Variants in XPO5 observed in about 807,000 individuals in gnomAD.
The protein encoded by XPO5 is exportin-5.
XPO5 carries 46 observed loss-of-function variants against 160.6 expected under a neutral mutation model. The observed-to-expected ratio is 0.29, with a 90% confidence interval of 0.23 to 0.37. The LOEUF (loss-of-function observed/expected upper bound fraction) is 0.37, where lower values mean the gene tolerates loss of function less well. Ranked by LOEUF, XPO5 falls within the 10% of genes least tolerant of loss-of-function variation. XPO5 has a pLI of 1.00. For synonymous variants in XPO5, 537 were observed against 519.3 expected (o/e 1.03, Z -0.46); for missense variants, 1,090 against 1,463.9 (o/e 0.74, Z 4.17).
intron 13 of XPO5, 145 bp downstream of exon 13, chr6:43,555,691 C>T (rs1039008908): frequency 2.8e-5 from 27 of 949,592 alleles, no homozygotes; most frequent in Middle Eastern, 2.9e-4. Context: ...CCAATGAAAA[C>T]GCTCCCTCTC....
rs1763288647 is a variant in XPO5, at chr6:43,575,787, G to A, written c.78C>T (p.Thr26=). 6.2e-7 allele frequency: 1 copy of A among 1,613,700 alleles called. No homozygotes were observed. The highest frequency in any genetic ancestry group is 8.5e-7 in the Non-Finnish European group (1 of 1,179,696). ...AVTVMMDPNS[T]QRYRLEALKF... ...TGAGGGCTTCCAGCCGGTAGCGCTG[G>A]GTGGAGTTGGGGTCCATCATGACCG... Residue 26 remains threonine (T), a synonymous_variant, in exon 1 of 32, where the codon ACC becomes ACT. Transcript: ENST00000265351.
At chr6:43,565,970 C>T (rs147776904) in intron 7 of XPO5, among the ~76,000 whole-genome samples, 2 of 152,226 alleles carry the variant, frequency 1.3e-5, no homozygotes, top group East Asian at 1.9e-4. Flanking sequence ...TAAATGTGTT[C>T]GGCAGGCCGA....
chr6:43,563,982 G>A (rs1427876727), intron 8 of XPO5, among the ~76,000 whole-genome samples: 2 of 152,126 alleles, frequency 1.3e-5, no homozygotes, highest in Non-Finnish European at 2.9e-5. Flanking sequence ...GAGTGCAGGG[G>A]CACAATCCTG....
chr6:43,536,397 A>T (rs372316785), intron 20 of XPO5, among the ~76,000 whole-genome samples: 1 of 150,758 alleles, frequency 6.6e-6, no homozygotes, highest in African/African-American at 2.4e-5. Flanking sequence ...CCTGCGCAAC[A>T]CAGTGAGACT....
intron 11 of XPO5, among the ~76,000 whole-genome samples, chr6:43,559,820 TTA>T (rs1762311313): frequency 6.6e-6 from 1 of 152,196 alleles, no homozygotes; most frequent in Non-Finnish European, 1.5e-5. Flanking sequence ...TCAGTCTTTT[TTA>T]TGTTTCCCCC....
intron 25 of XPO5, among the ~76,000 whole-genome samples, 200 bp downstream of exon 25, chr6:43,527,959 A>G (rs995802319): frequency 6.6e-6 from 1 of 152,236 alleles, no homozygotes; most frequent in Non-Finnish European, 1.5e-5. Context: ...AGGTAACAGT[A>G]GCCCCTATGA....
At chr6:43,573,261 A>AT (rs1763104683) in intron 2 of XPO5, 1 of 522,074 alleles carries the variant, frequency 1.9e-6, no homozygotes, top group African/African-American at 1.9e-5. Context: ...TGAATGGGTA[A>AT]TATGTACCAC....
At chr6:43,526,316 A>G (rs1793585968) in intron 27 of XPO5, 1 of 365,542 alleles carries the variant, frequency 2.7e-6, no homozygotes, top group African/African-American at 2.0e-5. Context: ...CATAAATAAA[A>G]ACATAATGTT....
At chr6:43,529,272 G>A in intron 23 of XPO5, 2 of 1,348,868 alleles carry the variant, frequency 1.5e-6, no homozygotes, top group Non-Finnish European at 2.0e-6. Context: ...GCTGGCTGCG[G>A]TGGCTCACAC....
intron 6 of XPO5, among the ~76,000 whole-genome samples, chr6:43,568,201 G>A (rs1260198600): frequency 2.0e-5 from 3 of 151,888 alleles, no homozygotes; most frequent in Admixed American, 6.6e-5. Context: ...CCAGCTACTC[G>A]GGAGGCCAGG....
chr6:43,558,449 C>T, intron 12 of XPO5, 52 bp downstream of exon 12: 1 of 1,474,712 alleles, frequency 6.8e-7, no homozygotes, highest in African/African-American at 1.4e-5. Flanking sequence ...ATTCATAATA[C>T]TAGATGCCAT....
At position 43,560,962 on chromosome 6, in the gene XPO5, G is replaced by C; in HGVS notation, c.1057C>G (p.Leu353Val). 6.2e-7 allele frequency: 1 copy of C among 1,613,888 alleles called. No individual in the cohort carries two copies. The highest frequency in any genetic ancestry group is 1.1e-5 in the South Asian group (1 of 91,080). Residue 353 changes from leucine to valine, a missense_variant, in exon 10 of 32, where the codon CTG becomes GTG. Transcript: ENST00000265351. Reference sequence around the variant, plus strand: ...GTTGTGAAAGCAAGAAAAGATTCCAGGTATTTTCCAAAGTTTGATGGTGTT... The same window carrying C: ...GTTGTGAAAGCAAGAAAAGATTCCACGTATTTTCCAAAGTTTGATGGTGTT... Reference protein sequence around the residue: ...VETPSNFGKYLESFLAFTTHP... With the variant: ...VETPSNFGKYVESFLAFTTHP...
At chr6:43,538,662 T>C (rs1415772185) in intron 20 of XPO5, among the ~76,000 whole-genome samples, 1 of 152,220 alleles carries the variant, frequency 6.6e-6, no homozygotes, top group Non-Finnish European at 1.5e-5. Flanking sequence ...CGTCTCTATG[T>C]TTACAAGTGA....
At position 43,555,852 on chromosome 6, in the gene XPO5, A is replaced by G. The variant is rs6916623; in HGVS notation, c.1425T>C (p.Asp475=). The change falls in exon 13 of 32, where the codon GAT becomes GAC. Residue 475 remains aspartate, a synonymous_variant. Transcript: ENST00000265351. ...AAAACTTACAATTCACAGAACCAGC[A>G]TCAAGAAAAGTTGATAGTTGATACT... ...WLKYQLSTFL[D]AGSVNSCSAV... is the part of the protein sequence containing the mutation. The G allele has an allele frequency of 6.7e-3, 10,757 of 1,613,938 alleles. 633 individuals are homozygous for G. In the African/African-American group the frequency reaches 0.13, roughly 19 times the overall value.
intron 22 of XPO5, among the ~76,000 whole-genome samples, chr6:43,531,263 G>T (rs375509983): frequency 2.6e-5 from 4 of 152,200 alleles, no homozygotes; most frequent in African/African-American, 9.6e-5. Context: ...AGTTGGGCAT[G>T]AAGCAGGCTG....
chr6:43,554,655 C>T (rs1468536793), intron 13 of XPO5, among the ~76,000 whole-genome samples: 1 of 152,096 alleles, frequency 6.6e-6, no homozygotes, highest in East Asian at 1.9e-4. Context: ...AACTCCTGAC[C>T]TCAGGTGATC....
At chr6:43,558,673 T>G in intron 11 of XPO5, 82 bp from the exon 12 acceptor site, 1 of 1,017,924 alleles carries the variant, frequency 9.8e-7, no homozygotes, top group Non-Finnish European at 1.4e-6. Flanking sequence ...TTCAAGCACT[T>G]TTAATTTATT....
chr6:43,568,662 C>T, intron 6 of XPO5, 49 bp downstream of exon 6: 1 of 1,496,170 alleles, frequency 6.7e-7, no homozygotes, highest in Non-Finnish European at 9.0e-7. Context: ...CGTATCCCCT[C>T]ACCTGAAAGG....
chr6:43,548,923 T>C (rs897116103), intron 17 of XPO5, among the ~76,000 whole-genome samples: 1 of 152,084 alleles, frequency 6.6e-6, no homozygotes, highest in African/African-American at 2.4e-5. Context: ...GATCATCACA[T>C]AGTAAAGAGT....
Sources: gnomAD v4.1 joint callset for allele counts (sites outside exome capture counted in the v4.1 genomes callset) on GRCh38, gnomAD v4.1.1 for gene constraint, MANE v1.5 for transcripts, NCBI Gene and HGNC (gene_info 2026-07-23, HGNC 2026-07-21) for gene names.